The following ZBTB7C variants were observed in gnomAD, a reference collection of about 807,000 sequenced individuals.
The protein encoded by ZBTB7C is zinc finger and BTB domain containing 7C.
Under a neutral mutation model 25.7 loss-of-function variants are expected in ZBTB7C, and 8 were observed. The ratio of observed to expected loss-of-function variants is 0.31; its 90% CI spans 0.18 to 0.56. The LOEUF is 0.56. Ranked by LOEUF, ZBTB7C falls within the 20% of genes least tolerant of loss-of-function variation. The pLI, the probability that ZBTB7C is intolerant of heterozygous loss-of-function variation, is 0.91. For missense variants in ZBTB7C, 824 were observed against 855.2 expected (o/e 0.96, Z 0.46); for synonymous variants, 394 against 369.0 (o/e 1.07, Z -0.78).
intron 3 of ZBTB7C, among the ~76,000 whole-genome samples, chr18:48,157,136 C>T (rs866759309): frequency 6.6e-6 from 1 of 152,324 alleles, no homozygotes; most frequent in Non-Finnish European, 1.5e-5. Flanking sequence ...TAGACAGCTT[C>T]CTCTATGTGG....
chr18:48,394,919 G>T (rs78187894), intron 1 of ZBTB7C, among the ~76,000 whole-genome samples: 1 of 152,150 alleles, frequency 6.6e-6, no homozygotes, highest in Non-Finnish European at 1.5e-5. Context: ...AAATCAGCGC[G>T]CACATACTAA....
chr18:48,173,440 C>T (rs750888508), intron 3 of ZBTB7C, among the ~76,000 whole-genome samples: 2 of 152,200 alleles, frequency 1.3e-5, no homozygotes, highest in Non-Finnish European at 2.9e-5. Flanking sequence ...ACCCTTCTAG[C>T]ACCGCACCAC....
Position 48,048,606 on chromosome 18 carries a change from T to C in ZBTB7C, c.-16-7483A>G, listed in dbSNP as rs1311562723. 2.0e-5 allele frequency among the ~76,000 whole-genome samples: 3 copies of C among 152,192 alleles called. No individual in the cohort carries two copies. The East Asian group carries it at 5.8e-4, about 29-fold the overall frequency. ...ATCAAATGAGGTAATGCACACAAAT[T>C]GCCTCCTGATATGTAGTCAGTGCTC... is the stretch of plus-strand genomic sequence containing the variant. On this transcript the variant is annotated intron_variant, in intron 3 of 4. Transcript: ENST00000590800.
intron 3 of ZBTB7C, among the ~76,000 whole-genome samples, chr18:48,080,301 G>A (rs1326515031): frequency 6.6e-6 from 1 of 152,172 alleles, no homozygotes; most frequent in Admixed American, 6.5e-5. Flanking sequence ...ACAGCACCCT[G>A]CCAGATCCAA....
chr18:48,334,276 T>C, intron 2 of ZBTB7C, among the ~76,000 whole-genome samples: 1 of 152,106 alleles, frequency 6.6e-6, no homozygotes, highest in South Asian at 2.1e-4. Context: ...ACCCAGATCC[T>C]TCCCCTCTCC....
chr18:48,386,737 C>T (rs1168185467), intron 1 of ZBTB7C, among the ~76,000 whole-genome samples: 1 of 152,206 alleles, frequency 6.6e-6, no homozygotes, highest in Non-Finnish European at 1.5e-5. Context: ...CAGAGTTTTG[C>T]AACCTAAGAT....
At chr18:48,084,008 G>A (rs2038088691) in intron 3 of ZBTB7C, 3 of 452,092 alleles carry the variant, frequency 6.6e-6, no homozygotes, top group African/African-American at 4.3e-5. Flanking sequence ...GCCTATGGAA[G>A]GTTTCCACAC....
At chr18:48,098,329 T>G (rs2038713202) in intron 3 of ZBTB7C, among the ~76,000 whole-genome samples, 1 of 152,154 alleles carries the variant, frequency 6.6e-6, no homozygotes, top group Non-Finnish European at 1.5e-5. Context: ...CCTAATCACA[T>G]TTTACCCGGC....
intron 2 of ZBTB7C, among the ~76,000 whole-genome samples, chr18:48,240,084 C>G (rs1212209365): frequency 1.3e-5 from 2 of 151,914 alleles, no homozygotes; most frequent in South Asian, 2.1e-4. Flanking sequence ...TGGAAACTTT[C>G]AACAATAGAA....
chr18:48,266,534 C>A (rs1232085073), intron 2 of ZBTB7C, among the ~76,000 whole-genome samples: 1 of 152,186 alleles, frequency 6.6e-6, no homozygotes, highest in African/African-American at 2.4e-5. Context: ...GAGAAACAGA[C>A]TTTGTTTTGT....
intron 3 of ZBTB7C, among the ~76,000 whole-genome samples, chr18:48,185,051 A>T (rs575271645): frequency 7.2e-4 from 109 of 152,120 alleles, no homozygotes; most frequent in Non-Finnish European, 1.4e-3. Context: ...TTCCATCCTG[A>T]TTCTTTGCAT....
At chr18:48,276,077 C>T (rs1355202589) in intron 2 of ZBTB7C, among the ~76,000 whole-genome samples, 4 of 152,018 alleles carry the variant, frequency 2.6e-5, no homozygotes, top group East Asian at 1.9e-4. Context: ...GCAGCAACCG[C>T]GATGGGGTAA....
chr18:48,336,321 C>G (rs970374392), intron 2 of ZBTB7C, among the ~76,000 whole-genome samples: 6 of 152,238 alleles, frequency 3.9e-5, no homozygotes, highest in African/African-American at 1.4e-4. Flanking sequence ...GCTCTCACCC[C>G]CCACCAGACT....
At chr18:48,085,571 G>A (rs1254539649) in intron 3 of ZBTB7C, among the ~76,000 whole-genome samples, 1 of 152,186 alleles carries the variant, frequency 6.6e-6, no homozygotes. Context: ...TCTGTCAAGT[G>A]GGGAGTATGA....
At chr18:48,269,452 ATTTTGT>A (rs1355495139) in intron 2 of ZBTB7C, among the ~76,000 whole-genome samples, 1 of 152,186 alleles carries the variant, frequency 6.6e-6, no homozygotes, top group Non-Finnish European at 1.5e-5. Context: ...TCAACACATG[ATTTTGT>A]GGGGGCCATC....
chr18:48,381,053 T>C (rs994418632), intron 1 of ZBTB7C, among the ~76,000 whole-genome samples: 2 of 152,182 alleles, frequency 1.3e-5, no homozygotes, highest in Non-Finnish European at 2.9e-5. Context: ...AAGCTAAAAT[T>C]CTATATCCAA....
intron 2 of ZBTB7C, among the ~76,000 whole-genome samples, chr18:48,265,481 G>C (rs529530852): frequency 4.6e-5 from 7 of 152,148 alleles, no homozygotes; most frequent in Non-Finnish European, 7.3e-5. Flanking sequence ...CTCTGAGCCA[G>C]TTTGCTCATC....
chr18:48,386,395 T>C (rs2047747935), intron 1 of ZBTB7C, among the ~76,000 whole-genome samples: 1 of 151,968 alleles, frequency 6.6e-6, no homozygotes, highest in Non-Finnish European at 1.5e-5. Context: ...GCTAAGCCTA[T>C]TGCTTCCATC....
intron 1 of ZBTB7C, among the ~76,000 whole-genome samples, chr18:48,384,136 G>A (rs906148775): frequency 2.6e-5 from 4 of 152,174 alleles, no homozygotes; most frequent in African/African-American, 4.8e-5. Context: ...CATTGACAAA[G>A]GTGAAGGGAA....
Sources: gnomAD v4.1 joint callset for allele counts (sites outside exome capture counted in the v4.1 genomes callset) on GRCh38, gnomAD v4.1.1 for gene constraint, MANE v1.5 for transcripts, NCBI Gene and HGNC (gene_info 2026-07-23, HGNC 2026-07-21) for gene names.